ERBB4: variants seen among roughly 807,000 people sequenced by gnomAD.
ERBB4 encodes erb-b2 receptor tyrosine kinase 4.
ERBB4 carries 42 observed loss-of-function variants against 158.0 expected under a neutral mutation model. The ratio of observed to expected loss-of-function variants is 0.27; its 90% confidence interval spans 0.21 to 0.34. ERBB4 has a LOEUF of 0.34. Ranked by LOEUF, ERBB4 falls within the 10% of genes least tolerant of loss-of-function variation. ERBB4 has a pLI of 1.00. For missense variants in ERBB4, 1,333 were observed against 1,624.1 expected (o/e 0.82, Z 3.08); for synonymous variants, 583 against 558.7 (o/e 1.04, Z -0.61).
intron 20 of ERBB4, among the ~76,000 whole-genome samples, chr2:211,481,272 A>G (rs1348842624): frequency 6.6e-6 from 1 of 152,202 alleles, no homozygotes; most frequent in Non-Finnish European, 1.5e-5. Context: ...AACAAAATAG[A>G]AAAAGCCACA....
At position 211,484,652 on chromosome 2, in the gene ERBB4, C is replaced by A. The variant is rs553300268; in HGVS notation, c.2488-53552G>T. Among the ~76,000 whole-genome samples the A allele has an allele frequency of 2.0e-5, 3 of 152,220 alleles. No homozygotes were observed. In the South Asian group the frequency reaches 6.2e-4, roughly 32 times the overall value. On this transcript the variant is annotated intron_variant, in intron 20 of 27. Transcript: ENST00000342788. ...AATGACAAAAGTGTCAATTTTTCAACAGGACATAACAATCCTAAATATTTA... is the reference window on the plus strand; with the variant it reads ...AATGACAAAAGTGTCAATTTTTCAAAAGGACATAACAATCCTAAATATTTA...
At chr2:212,533,585 C>A (rs1208505171) in intron 1 of ERBB4, among the ~76,000 whole-genome samples, 1 of 152,102 alleles carries the variant, frequency 6.6e-6, no homozygotes, top group Non-Finnish European at 1.5e-5. Flanking sequence ...CATTGACCTA[C>A]AATTTTTTCA....
intron 1 of ERBB4, among the ~76,000 whole-genome samples, chr2:212,229,215 G>A (rs1449635359): frequency 6.6e-6 from 1 of 152,076 alleles, no homozygotes. Flanking sequence ...TTAGAAGAGA[G>A]GGAAACAGAA....
intron 1 of ERBB4, among the ~76,000 whole-genome samples, chr2:212,366,814 C>T (rs922015648): frequency 4.6e-5 from 7 of 151,752 alleles, no homozygotes; most frequent in Admixed American, 1.3e-4. Context: ...TTTAATAAAA[C>T]GTTATCAAAA....
At chr2:211,790,203 G>T (rs979971177) in intron 3 of ERBB4, among the ~76,000 whole-genome samples, 1 of 151,872 alleles carries the variant, frequency 6.6e-6, no homozygotes, top group African/African-American at 2.4e-5. Flanking sequence ...TGAGACATTA[G>T]GTGATGCTCT....
chr2:212,058,812 T>G (rs888600869), intron 2 of ERBB4, among the ~76,000 whole-genome samples: 2 of 152,208 alleles, frequency 1.3e-5, no homozygotes, highest in Non-Finnish European at 2.9e-5. Flanking sequence ...GAGCTTTTTA[T>G]GACAAACCCA....
At chr2:211,638,335 G>T (rs891554585) in intron 16 of ERBB4, among the ~76,000 whole-genome samples, 1 of 152,084 alleles carries the variant, frequency 6.6e-6, no homozygotes, top group Admixed American at 6.6e-5. Context: ...TTCCCCAGAA[G>T]ACATTTTAAG....
intron 20 of ERBB4, among the ~76,000 whole-genome samples, chr2:211,515,491 G>C (rs2065998420): frequency 6.6e-6 from 1 of 152,068 alleles, no homozygotes; most frequent in Admixed American, 6.5e-5. Flanking sequence ...GGTAATGTCA[G>C]TTGAGTAGAC....
chr2:211,775,909 T>A (rs1296868747), intron 4 of ERBB4, among the ~76,000 whole-genome samples: 1 of 152,166 alleles, frequency 6.6e-6, no homozygotes, highest in Non-Finnish European at 1.5e-5. Context: ...AATCTATAAC[T>A]TTTTTAGGGT....
chr2:211,977,590 C>T (rs1032357252), intron 2 of ERBB4, among the ~76,000 whole-genome samples: 5 of 145,054 alleles, frequency 3.4e-5, no homozygotes, highest in South Asian at 2.2e-4. Flanking sequence ...GTAATCCTAG[C>T]GCTTTGGGAG....
intron 1 of ERBB4, among the ~76,000 whole-genome samples, chr2:212,378,269 T>C (rs1340924572): frequency 1.3e-5 from 2 of 151,854 alleles, no homozygotes; most frequent in African/African-American, 2.4e-5. Context: ...TTGAACAGAA[T>C]ACTGTTCTAT....
At position 212,322,198 on chromosome 2, in the gene ERBB4, C is replaced by G. The variant is rs151078859; in HGVS notation, c.83-197295G>C. Reference sequence around the variant, plus strand: ...GTTGAGGCTGGAACTGAAGAGTGAACTGGCTTAGGAGAAGACAGAATTGGC... The same window carrying G: ...GTTGAGGCTGGAACTGAAGAGTGAAGTGGCTTAGGAGAAGACAGAATTGGC... On this transcript the variant is annotated intron_variant, in intron 1 of 27. Transcript: ENST00000342788. Among the ~76,000 whole-genome samples, 31 of 150,492 alleles carry G rather than the reference C, an allele frequency of 2.1e-4. 1 individual carries two copies. Among genetic ancestry groups the G allele is most frequent in the African/African-American group, 7.3e-4 (30 of 41,348 alleles).
At chr2:211,884,172 A>G (rs566690835) in intron 3 of ERBB4, among the ~76,000 whole-genome samples, 1 of 152,174 alleles carries the variant, frequency 6.6e-6, no homozygotes, top group Non-Finnish European at 1.5e-5. Context: ...CACACTCTGG[A>G]TACATGATTC....
chr2:212,069,846 G>C (rs1381732833), intron 2 of ERBB4, among the ~76,000 whole-genome samples: 2 of 151,962 alleles, frequency 1.3e-5, no homozygotes, highest in Non-Finnish European at 2.9e-5. Flanking sequence ...GGCTGGGTAC[G>C]GTGGCTCCTG....
At chr2:212,204,185 C>T (rs1213501527) in intron 1 of ERBB4, among the ~76,000 whole-genome samples, 1 of 152,038 alleles carries the variant, frequency 6.6e-6, no homozygotes, top group Non-Finnish European at 1.5e-5. Context: ...GCATTTTGCC[C>T]TCTACTTACT....
chr2:212,463,643 C>T (rs1292653915), intron 1 of ERBB4, among the ~76,000 whole-genome samples: 2 of 151,974 alleles, frequency 1.3e-5, no homozygotes, highest in African/African-American at 4.8e-5. Flanking sequence ...AATTATTATT[C>T]TGCATTAGTG....
intron 16 of ERBB4, among the ~76,000 whole-genome samples, chr2:211,645,602 T>C (rs951301833): frequency 1.3e-5 from 2 of 151,682 alleles, no homozygotes; most frequent in South Asian, 2.1e-4. Flanking sequence ...AATGGCATCA[T>C]AAATGAAACT....
chr2:211,624,575 T>C (rs2069764423), intron 17 of ERBB4, among the ~76,000 whole-genome samples: 1 of 152,202 alleles, frequency 6.6e-6, no homozygotes, highest in Non-Finnish European at 1.5e-5. Flanking sequence ...CTAGGTACCA[T>C]GGTGATCCTC....
intron 2 of ERBB4, among the ~76,000 whole-genome samples, chr2:212,001,109 AT>A (rs1241576117): frequency 6.6e-6 from 1 of 152,052 alleles, no homozygotes; most frequent in Non-Finnish European, 1.5e-5. Flanking sequence ...ATATTGGATT[AT>A]TTTTAACAGG....
Sources: allele counts gnomAD v4.1 joint callset (sites outside exome capture counted in the v4.1 genomes callset), GRCh38; gene constraint gnomAD v4.1.1; transcripts MANE v1.5; gene names NCBI Gene and HGNC (gene_info 2026-07-23, HGNC 2026-07-21).